The following GALNTL6 variants were observed in gnomAD, a reference collection of about 807,000 sequenced individuals.
GALNTL6 encodes the protein polypeptide N-acetylgalactosaminyltransferase like 6.
A neutral mutation model predicts 73.7 loss-of-function variants in GALNTL6; 46 were observed. The observed-to-expected ratio is 0.62, with a 90% CI of 0.49 to 0.80. GALNTL6 has a LOEUF of 0.80. Among genes scored for constraint, GALNTL6 ranks in the 30% least tolerant of loss-of-function variants. The pLI is 0.00. For missense variants in GALNTL6, 604 were observed against 755.0 expected (o/e 0.80, Z 2.34); for synonymous variants, 259 against 263.7 (o/e 0.98, Z 0.17).
At chr4:171,925,795 GA>G in intron 2 of GALNTL6, among the ~76,000 whole-genome samples, 1 of 152,130 alleles carries the variant, frequency 6.6e-6, no homozygotes, top group East Asian at 1.9e-4. Context: ...GTAACTAGGG[GA>G]AAAACTCTGA....
intron 11 of GALNTL6, 147 bp downstream of exon 11, chr4:173,009,441 G>T: frequency 1.6e-6 from 1 of 611,446 alleles, no homozygotes; most frequent in Non-Finnish European, 2.9e-6. Flanking sequence ...AACCAGCTCT[G>T]CAGTTCAGTG....
At chr4:172,376,738 A>G (rs1263103442) in intron 5 of GALNTL6, among the ~76,000 whole-genome samples, 1 of 152,170 alleles carries the variant, frequency 6.6e-6, no homozygotes, top group Non-Finnish European at 1.5e-5. Context: ...GCTTGGCGAT[A>G]GGCAATAGTC....
chr4:171,995,468 A>T (rs1292750012), intron 2 of GALNTL6, among the ~76,000 whole-genome samples: 1 of 152,020 alleles, frequency 6.6e-6, no homozygotes, highest in East Asian at 1.9e-4. Context: ...CCACACAAAA[A>T]AATTAACGTA....
intron 8 of GALNTL6, among the ~76,000 whole-genome samples, chr4:172,887,374 T>G (rs1745776112): frequency 6.6e-6 from 1 of 152,132 alleles, no homozygotes; most frequent in Admixed American, 6.5e-5. Flanking sequence ...TAGGTTCTAT[T>G]TTTAGAACCA....
At chr4:172,138,490 TATATATATATATA>T (rs1733700832) in intron 2 of GALNTL6, among the ~76,000 whole-genome samples, 2 of 6,580 alleles carry the variant, frequency 3.0e-4, no homozygotes, top group Admixed American at 1.3e-3. Flanking sequence ...TATATATATA[TATATATATATATA>T]TATATATATA....
intron 2 of GALNTL6, among the ~76,000 whole-genome samples, chr4:172,154,157 G>GTTT (rs150388060): frequency 2.9e-5 from 4 of 137,816 alleles, no homozygotes; most frequent in African/African-American, 8.0e-5. Flanking sequence ...AATCACATGA[G>GTTT]TTTTTTTTTT....
At chr4:172,672,321 G>T (rs1374202776) in intron 5 of GALNTL6, among the ~76,000 whole-genome samples, 1 of 152,144 alleles carries the variant, frequency 6.6e-6, no homozygotes, top group East Asian at 1.9e-4. Flanking sequence ...TTATTGATTT[G>T]CATGTGCTGA....
At chr4:172,339,451 C>A (rs995352902) in intron 4 of GALNTL6, among the ~76,000 whole-genome samples, 13 of 152,100 alleles carry the variant, frequency 8.5e-5, no homozygotes, top group Non-Finnish European at 1.0e-4. Flanking sequence ...TTCTACATTT[C>A]CTGCTCAATT....
In GALNTL6 at chr4:172,256,631, C is replaced by A. The variant is rs576900841; in HGVS notation, c.247+26867C>A. 1.1e-3 allele frequency among the ~76,000 whole-genome samples: 174 copies of A among 151,386 alleles called. 1 individual carries two copies. The highest frequency in any genetic ancestry group is 4.2e-3 in the African/African-American group (173 of 41,460). On this transcript the variant is annotated intron_variant, in intron 3 of 12. Transcript: ENST00000506823. Reference sequence around the variant, plus strand: ...GTCAATTCCTCAAACTCTGTTCTTTCCCAATTTTTGTCTTTCCACTGACTC... The same window carrying A: ...GTCAATTCCTCAAACTCTGTTCTTTACCAATTTTTGTCTTTCCACTGACTC...
rs998398343 is a variant in GALNTL6, at chr4:172,216,511, A to G, written c.139-13145A>G. ...TTCTCCTTGTCTTCTGTTTTCTGCA[A>G]TTTGAATATGATATGCTTAAGTGTA... On this transcript the variant is annotated intron_variant, in intron 2 of 12. Transcript: ENST00000506823. Among the ~76,000 whole-genome samples the G allele has an allele frequency of 4.6e-5, 7 of 152,066 alleles. No homozygotes were observed. In the East Asian group the frequency reaches 5.8e-4, roughly 13 times the overall value.
rs187437809 is a variant in GALNTL6, at chr4:172,104,280, G to A, written c.139-125376G>A. Among the ~76,000 whole-genome samples, 16 of 152,148 alleles carry A rather than the reference G, an allele frequency of 1.1e-4. 1 individual carries two copies. Among genetic ancestry groups the A allele is most frequent in the Admixed American group, 1.0e-3 (16 of 15,278 alleles). On this transcript the variant is annotated intron_variant, in intron 2 of 12. Coordinates refer to ENST00000506823, the MANE Select transcript of GALNTL6 (RefSeq NM_001034845.3). The stretch of plus-strand genomic sequence containing the variant: ...TTATTGAAATTTATTCAGAGCCATT[G>A]GTGGAAAAAGTCCCTGTGAATGTTT...
intron 5 of GALNTL6, among the ~76,000 whole-genome samples, chr4:172,786,806 T>G (rs1419572020): frequency 6.6e-6 from 1 of 152,182 alleles, no homozygotes; most frequent in Admixed American, 6.5e-5. Flanking sequence ...TGAAAAGTGA[T>G]GAAGGTCCAA....
chr4:172,979,289 T>C (rs563491326), intron 10 of GALNTL6, among the ~76,000 whole-genome samples: 72 of 152,310 alleles, frequency 4.7e-4, no homozygotes, highest in African/African-American at 1.7e-3. Flanking sequence ...GAGAAATACA[T>C]TGAATTCCCT....
chr4:172,368,357 G>A (rs780119462), intron 5 of GALNTL6, among the ~76,000 whole-genome samples: 8 of 152,006 alleles, frequency 5.3e-5, no homozygotes, highest in Non-Finnish European at 1.2e-4. Flanking sequence ...CTCCAGCCTG[G>A]GCGACAGTGC....
At chr4:172,366,602 G>GA (rs896422505) in intron 5 of GALNTL6, among the ~76,000 whole-genome samples, 2 of 152,002 alleles carry the variant, frequency 1.3e-5, no homozygotes, top group African/African-American at 4.8e-5. Context: ...ATCAACGTGG[G>GA]AAAAAATAAC....
intron 5 of GALNTL6, among the ~76,000 whole-genome samples, chr4:172,758,155 G>A (rs1310124871): frequency 6.6e-6 from 1 of 152,148 alleles, no homozygotes; most frequent in Admixed American, 6.5e-5. Context: ...ATATATTCAT[G>A]AAAAGTATAG....
intron 5 of GALNTL6, among the ~76,000 whole-genome samples, chr4:172,712,213 T>C (rs1734748888): frequency 6.6e-6 from 1 of 152,164 alleles, no homozygotes; most frequent in African/African-American, 2.4e-5. Flanking sequence ...AAGTAAAATA[T>C]AAGGAAATCA....
At chr4:171,845,078 C>CT (rs1735335734) in intron 2 of GALNTL6, among the ~76,000 whole-genome samples, 2 of 152,146 alleles carry the variant, frequency 1.3e-5, no homozygotes, top group Admixed American at 1.3e-4. Context: ...CAGTCACTAA[C>CT]TGGTTTGTGT....
chr4:172,331,055 A>G (rs1298433646), intron 4 of GALNTL6, among the ~76,000 whole-genome samples: 1 of 152,112 alleles, frequency 6.6e-6, no homozygotes, highest in African/African-American at 2.4e-5. Flanking sequence ...CTTCTTGAAC[A>G]TAAAGAAAAC....
Sources: gnomAD v4.1 joint callset for allele counts (sites outside exome capture counted in the v4.1 genomes callset) on GRCh38, gnomAD v4.1.1 for gene constraint, MANE v1.5 for transcripts, NCBI Gene and HGNC (gene_info 2026-07-23, HGNC 2026-07-21) for gene names.